PDSS1: variants seen among roughly 807,000 people sequenced by gnomAD.
PDSS1 encodes the protein all trans-polyprenyl-diphosphate synthase PDSS1.
Under a neutral mutation model 57.5 loss-of-function variants are expected in PDSS1, and 43 were observed. The ratio of observed to expected loss-of-function variants is 0.75; its 90% CI spans 0.59 to 0.96. PDSS1 has a LOEUF of 0.96. Among genes scored for constraint, PDSS1 ranks in the 50% least tolerant of loss-of-function variants. The pLI is 0.00. For missense variants in PDSS1, 438 were observed against 527.8 expected, an observed-to-expected ratio of 0.83 and a Z score of 1.67; for synonymous variants, 175 against 191.3, an observed-to-expected ratio of 0.91 and a Z score of 0.70.
In PDSS1 at chr10:26,704,706, A is replaced by G. The variant is rs1458196598; in HGVS notation, c.192A>G (p.Leu64=). Residue 64 remains leucine (L), a synonymous_variant, in exon 3 of 12, where the codon TTA becomes TTG. Coordinates refer to ENST00000376215, the MANE Select transcript of PDSS1 (RefSeq NM_014317.5). ...CCTATATTAATCTTGTGAAGCATTT[A>G]ACATCTGCCTGTCCAAATGTATGTC... ...QIPYINLVKH[L]TSACPNVCRI... is the part of the protein sequence containing the mutation. The G allele has an allele frequency of 6.9e-7, 1 of 1,452,232 alleles. No individual in the cohort carries two copies. Among genetic ancestry groups the G allele is most frequent in the Non-Finnish European group, 9.7e-7 (1 of 1,032,974 alleles). The allele number at this position is 1,452,232 out of a possible 1,614,324, so 90.0% of individuals were successfully genotyped here.
chr10:26,744,034 AAAG>A (rs1428277767), intron 11 of PDSS1, among the ~76,000 whole-genome samples: 1 of 152,244 alleles, frequency 6.6e-6, no homozygotes, highest in Non-Finnish European at 1.5e-5. Context: ...AACAAACTCC[AAAG>A]AAGGGCTGCA....
chr10:26,703,658 T>C (rs1246946517), intron 2 of PDSS1, among the ~76,000 whole-genome samples: 3 of 152,210 alleles, frequency 2.0e-5, no homozygotes. Flanking sequence ...TGTTTTCTTG[T>C]TGCACTGTAA....
rs139560108 is a variant in PDSS1 at position 26,723,528 on chromosome 10, G to C, written c.610-278G>C. 2.6e-3 allele frequency among the ~76,000 whole-genome samples: 400 copies of C among 152,288 alleles called. 5 individuals carry two copies. In the South Asian group the frequency reaches 0.028, roughly 11 times the overall value. On this transcript the variant is annotated intron_variant, in intron 6 of 11. Coordinates refer to ENST00000376215, the MANE Select transcript of PDSS1 (RefSeq NM_014317.5). Reference sequence around the variant, plus strand: ...TGGGAAGAGTGACATGGTCATCTCTGAGAGCCAGTCCAGTTCAAACACTGT... The same window carrying C: ...TGGGAAGAGTGACATGGTCATCTCTCAGAGCCAGTCCAGTTCAAACACTGT...
At position 26,710,259 on chromosome 10, in the gene PDSS1, T is replaced by G. The variant is rs1346642238; in HGVS notation, c.467+491T>G. ...GGAATCTAGTCTGGCATCTTTTTTT[T>G]TTTTGAGACGGAGTCTTGCTCTGTC... On this transcript the variant is annotated intron_variant, in intron 5 of 11. Coordinates refer to ENST00000376215, the MANE Select transcript of PDSS1 (RefSeq NM_014317.5). 2.2e-5 allele frequency among the ~76,000 whole-genome samples: 2 copies of G among 91,680 alleles called. 1 individual carries two copies. The allele number at this position is 91,680 out of a possible 152,430, so 60.1% of individuals were successfully genotyped here. A position where few individuals can be genotyped will look rare whatever the true frequency, so the allele number is the denominator to read the frequency against.
intron 11 of PDSS1, among the ~76,000 whole-genome samples, chr10:26,745,023 G>T (rs1006624031): frequency 1.3e-5 from 2 of 151,928 alleles, no homozygotes; most frequent in African/African-American, 4.8e-5. Flanking sequence ...CATTAGCCAG[G>T]CGTGGTAGTG....
intron 8 of PDSS1, among the ~76,000 whole-genome samples, chr10:26,732,469 T>G (rs1182848841): frequency 6.6e-6 from 1 of 152,200 alleles, no homozygotes; most frequent in Non-Finnish European, 1.5e-5. Context: ...GACACATTCC[T>G]TGACCTCTTG....
chr10:26,731,476 A>AAC (rs1166259041), intron 8 of PDSS1, among the ~76,000 whole-genome samples: 1 of 152,188 alleles, frequency 6.6e-6, no homozygotes, highest in Admixed American at 6.5e-5. Context: ...TACAATTACA[A>AAC]ACACTACTGC....
At chr10:26,735,394 C>G in intron 9 of PDSS1, 72 bp from the exon 10 acceptor site, 1 of 1,396,536 alleles carries the variant, frequency 7.2e-7, no homozygotes, top group Non-Finnish European at 1.0e-6. Context: ...GTGTAATCGT[C>G]AAAATAGTAA....
intron 1 of PDSS1, among the ~76,000 whole-genome samples, chr10:26,700,843 AGTTG>A (rs1325662643): frequency 2.0e-5 from 3 of 152,158 alleles, no homozygotes; most frequent in Admixed American, 2.0e-4. Context: ...GTACCAAAGT[AGTTG>A]GCATTGATAT....
rs1430590492 is a variant in PDSS1, at chr10:26,735,570, C to T, written c.1017C>T (p.Ala339=). 1 of 1,606,812 alleles carries T rather than the reference C, an allele frequency of 6.2e-7. No individual in the cohort carries two copies. ...LGLATGPVLF[A]CQQFPEMNAM... ...TAGCCACTGGTCCTGTCCTGTTTGC[C>T]TGTCAGCAGGTAGGTTTTACAAACT... Residue 339 remains alanine (A), a synonymous_variant, in exon 10 of 12, where the codon GCC becomes GCT. Transcript: ENST00000376215.
chr10:26,704,108 C>T (rs12252759), intron 2 of PDSS1, among the ~76,000 whole-genome samples: 15,475 of 74,386 alleles, frequency 0.21, 2,153 homozygotes, highest in East Asian at 0.64. Context: ...AAAAATATGG[C>T]TAGAGCAATA....
At chr10:26,705,576 C>T (rs1043405125) in intron 4 of PDSS1, among the ~76,000 whole-genome samples, 182 bp downstream of exon 4, 1 of 152,142 alleles carries the variant, frequency 6.6e-6, no homozygotes, top group East Asian at 1.9e-4. Context: ...CAGGTTCATG[C>T]AATTCTCCTG....
At chr10:26,709,516 G>T in intron 4 of PDSS1, 122 bp from the exon 5 acceptor site, 1 of 937,384 alleles carries the variant, frequency 1.1e-6, no homozygotes, top group Non-Finnish European at 1.7e-6. Context: ...AGCTGAGATC[G>T]TTCCATTGCA....
At chr10:26,720,403 A>G (rs940217264) in intron 6 of PDSS1, 44 bp downstream of exon 6, 1 of 1,309,396 alleles carries the variant, frequency 7.6e-7, no homozygotes, top group South Asian at 1.2e-5. Context: ...ACTGAATCAC[A>G]CACTTTTCGG....
chr10:26,719,099 C>G (rs1392481330), intron 5 of PDSS1, among the ~76,000 whole-genome samples: 10 of 152,222 alleles, frequency 6.6e-5, no homozygotes, highest in South Asian at 2.1e-4. Flanking sequence ...TTTTTCCCCT[C>G]TAAGATACAA....
chr10:26,717,220 A>ATTTTTTTTTTTTTT (rs1564423640), intron 5 of PDSS1, among the ~76,000 whole-genome samples: 10 of 152,152 alleles, frequency 6.6e-5, no homozygotes, highest in African/African-American at 2.2e-4. Context: ...GCAAAATGAC[A>ATTTTTTTTTTTTTT]TTTTTTATTC....
intron 1 of PDSS1, among the ~76,000 whole-genome samples, chr10:26,700,369 C>T (rs563401790): frequency 2.6e-5 from 4 of 151,532 alleles, no homozygotes; most frequent in Admixed American, 6.6e-5. Context: ...TTTGGGAGGC[C>T]GAGGCAGGAG....
chr10:26,741,381 G>A (rs1468387788), intron 10 of PDSS1, among the ~76,000 whole-genome samples: 1 of 152,142 alleles, frequency 6.6e-6, no homozygotes, highest in African/African-American at 2.4e-5. Flanking sequence ...CTACTCAGGA[G>A]GCTGAGGCAG....
At chr10:26,743,478 G>A (rs888080301) in intron 11 of PDSS1, among the ~76,000 whole-genome samples, 1 of 152,166 alleles carries the variant, frequency 6.6e-6, no homozygotes, top group Non-Finnish European at 1.5e-5. Context: ...TGACTATACT[G>A]TTAAGCCCCA....
Sources: gnomAD v4.1 joint callset for allele counts (sites outside exome capture counted in the v4.1 genomes callset) on GRCh38, gnomAD v4.1.1 for gene constraint, MANE v1.5 for transcripts, NCBI Gene and HGNC (gene_info 2026-07-23, HGNC 2026-07-21) for gene names.